KCNAB1: variants seen among roughly 807,000 people sequenced by gnomAD.
The protein encoded by KCNAB1 is potassium voltage-gated channel subfamily A regulatory beta subunit 1, also known as voltage-gated potassium channel subunit beta-1.
In KCNAB1, 35 loss-of-function variants were observed where a neutral mutation model predicts 64.6. That is an observed-to-expected ratio of 0.54 (90% CI 0.41 to 0.72). The LOEUF (loss-of-function observed/expected upper bound fraction) is 0.72. Among genes scored for constraint, KCNAB1 ranks in the 30% least tolerant of loss-of-function variants. The pLI, the probability that KCNAB1 is intolerant of heterozygous loss-of-function variation, is 0.00. For synonymous variants in KCNAB1, 177 were observed against 183.8 expected, an observed-to-expected ratio of 0.96 and a Z score of 0.30; for missense variants, 401 against 512.9, an observed-to-expected ratio of 0.78 and a Z score of 2.11.
At chr3:156,409,392 G>A (rs1714480968) in intron 1 of KCNAB1, among the ~76,000 whole-genome samples, 1 of 152,226 alleles carries the variant, frequency 6.6e-6, no homozygotes, top group African/African-American at 2.4e-5. Context: ...AATTAAAAAT[G>A]CCTGAAGTCA....
At chr3:156,479,610 G>T (rs948686861) in intron 8 of KCNAB1, among the ~76,000 whole-genome samples, 18 of 152,098 alleles carry the variant, frequency 1.2e-4, no homozygotes, top group Non-Finnish European at 2.5e-4. Context: ...CTGAAAATAT[G>T]ATTTTTAAAT....
At chr3:156,266,366 G>A (rs1011666395) in intron 1 of KCNAB1, among the ~76,000 whole-genome samples, 1 of 152,178 alleles carries the variant, frequency 6.6e-6, no homozygotes, top group Non-Finnish European at 1.5e-5. Flanking sequence ...TTAACATAAT[G>A]ATTCAATTTC....
intron 1 of KCNAB1, among the ~76,000 whole-genome samples, chr3:156,201,950 C>T (rs1040797297): frequency 6.6e-6 from 1 of 152,126 alleles, no homozygotes; most frequent in Non-Finnish European, 1.5e-5. Flanking sequence ...TTATTGTAAG[C>T]AGGCACAATT....
At chr3:156,478,232 G>A (rs1334149871) in intron 8 of KCNAB1, among the ~76,000 whole-genome samples, 4 of 151,706 alleles carry the variant, frequency 2.6e-5, no homozygotes, top group African/African-American at 9.7e-5. Flanking sequence ...AACTCACGTT[G>A]GCTATTTTAG....
chr3:156,402,222 T>G (rs1713957575), intron 1 of KCNAB1, among the ~76,000 whole-genome samples: 1 of 152,030 alleles, frequency 6.6e-6, no homozygotes, highest in South Asian at 2.1e-4. Flanking sequence ...GCAACAATCT[T>G]AGCGTTTCAT....
chr3:156,198,615 GCT>G (rs1714111720), intron 1 of KCNAB1, among the ~76,000 whole-genome samples: 2 of 92,328 alleles, frequency 2.2e-5, no homozygotes, highest in South Asian at 6.6e-4. Flanking sequence ...TGCAAACCCT[GCT>G]TTTTTTTTTT....
intron 1 of KCNAB1, among the ~76,000 whole-genome samples, chr3:156,349,304 C>T (rs1724702234): frequency 6.6e-6 from 1 of 152,142 alleles, no homozygotes. Context: ...ACAGAAACTG[C>T]CCTTCCTGTC....
chr3:156,455,682 A>G (rs1712353139), intron 3 of KCNAB1, among the ~76,000 whole-genome samples: 1 of 152,158 alleles, frequency 6.6e-6, no homozygotes, highest in African/African-American at 2.4e-5. Flanking sequence ...AGAAGTGTAG[A>G]TGAAGAGCAA....
intron 11 of KCNAB1, among the ~76,000 whole-genome samples, chr3:156,521,730 G>T (rs1448249698): frequency 6.6e-6 from 1 of 152,078 alleles, no homozygotes; most frequent in East Asian, 1.9e-4. Context: ...TTTTAATTAA[G>T]CCTCATCTCC....
At chr3:156,237,032 GGGCTAGGCT>G (rs1211688544) in intron 1 of KCNAB1, among the ~76,000 whole-genome samples, 1 of 152,100 alleles carries the variant, frequency 6.6e-6, no homozygotes, top group Non-Finnish European at 1.5e-5. Flanking sequence ...TTAGAGACTG[GGGCTAGGCT>G]CTTTGTAAGG....
chr3:156,315,704 G>A (rs1162500359), intron 1 of KCNAB1, among the ~76,000 whole-genome samples: 2 of 151,932 alleles, frequency 1.3e-5, no homozygotes, highest in African/African-American at 4.8e-5. Context: ...ATTCATGTGG[G>A]ATAAAACCAC....
At chr3:156,379,522 T>C (rs1711993861) in intron 1 of KCNAB1, among the ~76,000 whole-genome samples, 1 of 152,152 alleles carries the variant, frequency 6.6e-6, no homozygotes, top group African/African-American at 2.4e-5. Context: ...TGTGATAATC[T>C]GGGGAAGATT....
intron 1 of KCNAB1, among the ~76,000 whole-genome samples, chr3:156,169,212 G>C (rs1046454189): frequency 2.0e-5 from 3 of 152,090 alleles, no homozygotes; most frequent in African/African-American, 2.4e-5. Context: ...TTAGAATCTT[G>C]AGTGCAACAA....
chr3:156,348,175 G>A (rs1460711960), intron 1 of KCNAB1, among the ~76,000 whole-genome samples: 1 of 152,148 alleles, frequency 6.6e-6, no homozygotes, highest in Non-Finnish European at 1.5e-5. Flanking sequence ...TGATTAGTGT[G>A]GTCTTTTGGA....
Position 156,514,448 on chromosome 3 carries a change from T to C in KCNAB1, c.743T>C (p.Met248Thr). 1 of 1,610,238 alleles carries C rather than the reference T, an allele frequency of 6.2e-7. No individual in the cohort carries two copies. The part of the protein sequence containing the change: ...GTSRWSAMEI[M>T]EAYSVARQFN... ...TCGAGATGGAGTGCTATGGAGATCA[T>C]GGTAATTTAACTTCTATTTTTAAAT... The change falls in exon 9 of 14, where the codon ATG becomes ACG. Residue 248 changes from methionine to threonine, a missense_variant and splice_region_variant. By Grantham distance (81) the Met-to-Thr change is moderately conservative (BLOSUM62 -1). Coordinates refer to ENST00000490337, the MANE Select transcript of KCNAB1 (RefSeq NM_172160.3).
At chr3:156,139,583 T>TG (rs1714573665) in intron 1 of KCNAB1, among the ~76,000 whole-genome samples, 1 of 118,396 alleles carries the variant, frequency 8.4e-6, no homozygotes, top group African/African-American at 3.2e-5. Flanking sequence ...CATTGTACTG[T>TG]GTTTTTTTTT....
intron 1 of KCNAB1, among the ~76,000 whole-genome samples, chr3:156,165,188 G>A (rs1040192843): frequency 2.9e-5 from 4 of 139,102 alleles, no homozygotes; most frequent in Admixed American, 7.8e-5. Flanking sequence ...TGAGGCAGGA[G>A]AATGGCGTGA....
chr3:156,528,707 AG>A (rs1718494521), intron 12 of KCNAB1, among the ~76,000 whole-genome samples: 1 of 152,222 alleles, frequency 6.6e-6, no homozygotes, highest in South Asian at 2.1e-4. Context: ...CCCAGAATGA[AG>A]GGAGAGGAAG....
At chr3:156,376,162 T>C (rs1711639762) in intron 1 of KCNAB1, among the ~76,000 whole-genome samples, 1 of 152,204 alleles carries the variant, frequency 6.6e-6, no homozygotes, top group South Asian at 2.1e-4. Flanking sequence ...ACATCTACTA[T>C]GTATGGGGCT....
Sources: allele counts gnomAD v4.1 joint callset (sites outside exome capture counted in the v4.1 genomes callset), GRCh38; gene constraint gnomAD v4.1.1; transcripts MANE v1.5; gene names NCBI Gene and HGNC (gene_info 2026-07-23, HGNC 2026-07-21).